Variants in PMFBP1 observed in about 807,000 individuals in gnomAD.
The protein encoded by PMFBP1 is polyamine modulated factor 1 binding protein 1, also known as polyamine-modulated factor 1-binding protein 1.
PMFBP1 carries 131 observed loss-of-function variants against 137.8 expected under a neutral mutation model. The observed-to-expected ratio is 0.95, with a 90% CI of 0.82 to 1.10. The LOEUF is 1.10. PMFBP1 is among the 50% of genes least tolerant of loss of function. The pLI is 0.00. For missense variants in PMFBP1, 1,199 were observed against 1,175.4 expected, an observed-to-expected ratio of 1.02 and a Z score of -0.29; for synonymous variants, 490 against 450.4, an observed-to-expected ratio of 1.09 and a Z score of -1.11.
the PMFBP1 span, among the ~76,000 whole-genome samples, chr16:72,249,614 G>C: frequency 6.6e-6 from 1 of 151,764 alleles, no homozygotes; most frequent in Admixed American, 6.6e-5. Context: ...TCTGAGTTCG[G>C]GGGAAAGAAA....
chr16:72,164,530 C>G (rs1430482937), intron 3 of PMFBP1: 17 of 1,368,870 alleles, frequency 1.2e-5, no homozygotes, highest in Non-Finnish European at 1.6e-5. Flanking sequence ...AAACATCGTG[C>G]CTAGGATGTA....
At chr16:72,164,014 A>T (rs1416368487) in intron 3 of PMFBP1, among the ~76,000 whole-genome samples, 1 of 149,696 alleles carries the variant, frequency 6.7e-6, no homozygotes, top group East Asian at 2.0e-4. Flanking sequence ...ACAAATCACC[A>T]CTAAAGAACT....
At chr16:72,221,888 T>G in the PMFBP1 span, among the ~76,000 whole-genome samples, 4 of 152,232 alleles carry the variant, frequency 2.6e-5, no homozygotes, top group South Asian at 8.3e-4. Flanking sequence ...GATGACCACA[T>G]GTTCCTCTAT....
chr16:72,182,286 A>T, the PMFBP1 span, among the ~76,000 whole-genome samples: 5 of 152,188 alleles, frequency 3.3e-5, no homozygotes, highest in African/African-American at 1.2e-4. Context: ...CTTTGAGCTC[A>T]CAAGTTCAAG....
chr16:72,208,537 A>AT, the PMFBP1 span, among the ~76,000 whole-genome samples: 1 of 152,226 alleles, frequency 6.6e-6, no homozygotes, highest in South Asian at 2.1e-4. Flanking sequence ...AGTAGTTTGC[A>AT]TTTTTGGCAG....
chr16:72,249,819 G>A, the PMFBP1 span, among the ~76,000 whole-genome samples: 1 of 148,958 alleles, frequency 6.7e-6, no homozygotes, highest in African/African-American at 2.5e-5. Context: ...TGCTCAGGAG[G>A]CTCAGGCAGG....
intron 10 of PMFBP1, among the ~76,000 whole-genome samples, chr16:72,131,876 C>G (rs1482580864): frequency 1.3e-5 from 2 of 152,156 alleles, no homozygotes; most frequent in African/African-American, 4.8e-5. Context: ...GACAGAGTCT[C>G]ACTCTATTGC....
intron 5 of PMFBP1, 26 bp from the exon 6 acceptor site, chr16:72,140,608 G>T: frequency 6.3e-7 from 1 of 1,598,394 alleles, no homozygotes; most frequent in South Asian, 1.1e-5. Flanking sequence ...ATAATGGGTT[G>T]ATTTTGCTTA....
the PMFBP1 span, among the ~76,000 whole-genome samples, chr16:72,208,978 T>C: frequency 1.3e-5 from 2 of 152,184 alleles, no homozygotes; most frequent in Admixed American, 1.3e-4. Flanking sequence ...ATGAAATCCT[T>C]TTTGAGCGTG....
At chr16:72,171,136 G>GA in intron 2 of PMFBP1, 61 bp downstream of exon 2, 1 of 1,563,636 alleles carries the variant, frequency 6.4e-7, no homozygotes, top group African/African-American at 1.4e-5. Context: ...CATAAAACAT[G>GA]AAAAAAGTCC....
upstream of PMFBP1, among the ~76,000 whole-genome samples, chr16:72,180,272 G>T (rs1395178062): frequency 6.6e-6 from 1 of 152,204 alleles, no homozygotes; most frequent in Non-Finnish European, 1.5e-5. Context: ...ACTGGTATTA[G>T]TCTCCACAAT....
At position 72,125,364 on chromosome 16, in the gene PMFBP1, G is replaced by A. The variant is rs747319576; in HGVS notation, c.2295C>T (p.Ser765=). 11 of 1,613,662 alleles carry A rather than the reference G, an allele frequency of 6.8e-6. No homozygotes were observed. Among genetic ancestry groups the A allele is most frequent in the Admixed American group, 1.7e-5 (1 of 59,884 alleles). ...CTTTCTTCTCTTGGGTCTGTGTCAA[G>A]CTTTGCTGCAGGCTCTTTGTCTCTG... ...VTSETKSLQQ[S]LTQTQEKKAQ... is the part of the protein sequence containing the mutation. The change falls in exon 16 of 21, where the codon AGC becomes AGT. Residue 765 remains serine (S), a synonymous_variant. Transcript: ENST00000237353.
At chr16:72,139,257 C>G in intron 7 of PMFBP1, 32 bp downstream of exon 7, 2 of 1,509,880 alleles carry the variant, frequency 1.3e-6, no homozygotes, top group Non-Finnish European at 1.8e-6. Context: ...CAGCCCGATC[C>G]CAGTAGGCAC....
intron 9 of PMFBP1, among the ~76,000 whole-genome samples, chr16:72,136,221 A>C (rs2042628912): frequency 6.6e-6 from 1 of 152,182 alleles, no homozygotes; most frequent in Non-Finnish European, 1.5e-5. Context: ...GGGAAAAGTC[A>C]GTGCCTCTGT....
the PMFBP1 span, among the ~76,000 whole-genome samples, chr16:72,207,777 G>T: frequency 1.4e-3 from 213 of 149,824 alleles, no homozygotes; most frequent in East Asian, 0.041. Context: ...CATATATAAA[G>T]AAATTTATCA....
chr16:72,139,632 C>T (rs2042685648), intron 6 of PMFBP1, among the ~76,000 whole-genome samples: 1 of 152,202 alleles, frequency 6.6e-6, no homozygotes, highest in African/African-American at 2.4e-5. Flanking sequence ...CACCCTTGCA[C>T]TCTCTCCTAA....
chr16:72,166,057 T>A (rs1334212386), intron 2 of PMFBP1, among the ~76,000 whole-genome samples: 1 of 152,166 alleles, frequency 6.6e-6, no homozygotes, highest in Admixed American at 6.5e-5. Context: ...GTGCCGGCTT[T>A]CTACAACACT....
chr16:72,205,156 G>C, the PMFBP1 span, among the ~76,000 whole-genome samples: 2 of 152,236 alleles, frequency 1.3e-5, no homozygotes, highest in African/African-American at 4.8e-5. Context: ...GAAAGACAGA[G>C]ATGTGGAAGC....
intron 3 of PMFBP1, among the ~76,000 whole-genome samples, chr16:72,159,250 A>G (rs1343156081): frequency 6.6e-6 from 1 of 152,146 alleles, no homozygotes; most frequent in African/African-American, 2.4e-5. Context: ...ATCTATACTT[A>G]GGTGTGCTCA....
Sources: gnomAD v4.1 joint callset for allele counts (sites outside exome capture counted in the v4.1 genomes callset) on GRCh38, gnomAD v4.1.1 for gene constraint, MANE v1.5 for transcripts, NCBI Gene and HGNC (gene_info 2026-07-23, HGNC 2026-07-21) for gene names.